The following EBF2 variants were observed in gnomAD, a reference collection of about 807,000 sequenced individuals.
The protein encoded by EBF2 is transcription factor COE2.
Under a neutral mutation model 72.8 loss-of-function variants are expected in EBF2, and 21 were observed. The observed-to-expected ratio is 0.29, with a 90% CI of 0.20 to 0.42. The LOEUF is 0.42. Ranked by LOEUF, EBF2 falls within the 10% of genes least tolerant of loss-of-function variation. The pLI is 1.00. For missense variants in EBF2, 637 were observed against 731.2 expected, an observed-to-expected ratio of 0.87 and a Z score of 1.49; for synonymous variants, 299 against 274.2, an observed-to-expected ratio of 1.09 and a Z score of -0.89.
Position 25,858,504 on chromosome 8 carries a change from C to G in EBF2, c.1343G>C (p.Gly448Ala), listed in dbSNP as rs1350398452. ...GATGCTGCTTGTGTTGCGGATGTAC[C>G]CTTGGCAACAAAGAAAAAGCCCAGG... ...ISESTQGNNQ[G>A]YIRNTSSISP... is the part of the protein sequence containing the mutation. Residue 448 changes from glycine to alanine, a missense_variant and splice_region_variant, in exon 14 of 16, where the codon GGG becomes GCG. Gly to Ala is a moderately conservative substitution (Grantham distance 60, BLOSUM62 0). This residue lies in a region of EBF2 where 259 missense variants were observed against 268.1 expected (regional missense o/e 0.97). Transcript: ENST00000520164. The G allele has an allele frequency of 6.2e-7, 1 of 1,612,668 alleles. No individual in the cohort carries two copies. Among genetic ancestry groups the G allele is most frequent in the Non-Finnish European group, 8.5e-7 (1 of 1,179,574 alleles).
intron 6 of EBF2, among the ~76,000 whole-genome samples, chr8:25,986,199 G>T (rs1028836194): frequency 6.6e-6 from 1 of 151,888 alleles, no homozygotes; most frequent in Non-Finnish European, 1.5e-5. Context: ...GTCTCTGACT[G>T]CTGGGTCCAC....
intron 10 of EBF2, among the ~76,000 whole-genome samples, chr8:25,871,923 T>C (rs1181205739): frequency 2.6e-5 from 4 of 151,718 alleles, no homozygotes; most frequent in Non-Finnish European, 4.4e-5. Flanking sequence ...TTAAAGTAAA[T>C]AGTATTTAAC....
At chr8:25,864,264 T>C (rs908139399) in intron 10 of EBF2, among the ~76,000 whole-genome samples, 1 of 149,816 alleles carries the variant, frequency 6.7e-6, no homozygotes, top group African/African-American at 2.4e-5. Context: ...TTAACTTACA[T>C]TTTTTTACTC....
At chr8:25,848,791 C>T (rs1801897106) in intron 15 of EBF2, among the ~76,000 whole-genome samples, 1 of 152,188 alleles carries the variant, frequency 6.6e-6, no homozygotes, top group African/African-American at 2.4e-5. Context: ...GCCTGCACCC[C>T]TCCTTGGTCT....
At chr8:25,863,958 T>C (rs941186797) in intron 10 of EBF2, among the ~76,000 whole-genome samples, 15 of 152,206 alleles carry the variant, frequency 9.9e-5, no homozygotes, top group African/African-American at 3.6e-4. Flanking sequence ...TTAACTATTC[T>C]TTTATAACAT....
chr8:26,037,157 G>GA (rs1320886501), intron 5 of EBF2, among the ~76,000 whole-genome samples: 1 of 152,052 alleles, frequency 6.6e-6, no homozygotes, highest in Non-Finnish European at 1.5e-5. Context: ...GAAGGAGAGA[G>GA]AAAAAATAAA....
At chr8:26,036,605 G>A (rs1331819981) in intron 5 of EBF2, among the ~76,000 whole-genome samples, 1 of 151,726 alleles carries the variant, frequency 6.6e-6, no homozygotes, top group South Asian at 2.1e-4. Context: ...TGTTTTTAAC[G>A]GCATTCAGTC....
intron 6 of EBF2, chr8:26,032,730 TG>T: frequency 5.1e-6 from 1 of 196,276 alleles, no homozygotes; most frequent in Non-Finnish European, 1.0e-5. Flanking sequence ...AATAATAAAG[TG>T]GGTGCCACTT....
chr8:25,876,147 C>T (rs866744610), intron 10 of EBF2, among the ~76,000 whole-genome samples: 9 of 152,078 alleles, frequency 5.9e-5, no homozygotes, highest in South Asian at 4.2e-4. Context: ...TTATGCTCAG[C>T]GAACTAACAT....
intron 7 of EBF2, 96 bp downstream of exon 7, chr8:25,908,378 A>G: frequency 1.1e-6 from 1 of 905,594 alleles, no homozygotes; most frequent in Non-Finnish European, 1.7e-6. Context: ...GTAGCAGTGA[A>G]TAGTAATTTT....
intron 7 of EBF2, among the ~76,000 whole-genome samples, chr8:25,899,085 T>C (rs1473830496): frequency 1.3e-5 from 2 of 152,120 alleles, no homozygotes; most frequent in African/African-American, 4.8e-5. Context: ...AAGATTTCTG[T>C]CATCCTGATT....
chr8:25,938,375 GAA>G (rs555008923), intron 6 of EBF2, among the ~76,000 whole-genome samples: 3 of 130,480 alleles, frequency 2.3e-5, no homozygotes, highest in African/African-American at 5.6e-5. Context: ...CTCTTACTTT[GAA>G]AAAAAAAAAG....
chr8:25,847,445 C>T (rs1801862757), intron 15 of EBF2, among the ~76,000 whole-genome samples: 1 of 152,186 alleles, frequency 6.6e-6, no homozygotes, highest in Non-Finnish European at 1.5e-5. Context: ...GGGAACTTCA[C>T]AATGTTGGAC....
intron 6 of EBF2, among the ~76,000 whole-genome samples, chr8:25,921,564 G>T (rs528022718): frequency 2.4e-4 from 36 of 152,258 alleles, no homozygotes; most frequent in African/African-American, 7.0e-4. Flanking sequence ...TGAGCCTAAA[G>T]CCTCTATTAA....
At chr8:25,844,674 G>T (rs1227730496) in intron 15 of EBF2, 34 bp from the exon 16 acceptor site, 5 of 1,613,584 alleles carry the variant, frequency 3.1e-6, no homozygotes, top group Admixed American at 1.7e-5. Flanking sequence ...AATGAGACTT[G>T]GGGACTTTTT....
At chr8:26,036,377 T>A (rs1205244259) in intron 5 of EBF2, among the ~76,000 whole-genome samples, 1 of 152,200 alleles carries the variant, frequency 6.6e-6, no homozygotes, top group Non-Finnish European at 1.5e-5. Flanking sequence ...CATATTTAAA[T>A]ATCATCTCTA....
chr8:26,004,673 CAAAAAAAAAAA>C (rs56848916), intron 6 of EBF2, among the ~76,000 whole-genome samples: 5 of 45,458 alleles, frequency 1.1e-4, no homozygotes, highest in African/African-American at 2.0e-4. Flanking sequence ...AGACTGTCTC[CAAAAAAAAAAA>C]AAAAAAAAAA....
chr8:25,999,605 T>C (rs1804688891), intron 6 of EBF2, among the ~76,000 whole-genome samples: 1 of 152,070 alleles, frequency 6.6e-6, no homozygotes, highest in South Asian at 2.1e-4. Flanking sequence ...TTCTGCTTTC[T>C]TTCATGTTTT....
chr8:25,879,054 A>G lies in EBF2; in HGVS notation c.1009+7701T>C, dbSNP rs6998275. Among the ~76,000 whole-genome samples the G allele has an allele frequency of 7.2e-3, 1,104 of 152,304 alleles. 15 individuals are homozygous for G. The highest frequency in any genetic ancestry group is 0.025 in the African/African-American group (1,023 of 41,550). ...GATACAAGTAAGCAACATGAAAAAA[A>G]TTTAAATAACAACAACACTGAGAAA... On this transcript the variant is annotated intron_variant, in intron 10 of 15. Transcript: ENST00000520164.
Sources: gnomAD v4.1 joint callset for allele counts (sites outside exome capture counted in the v4.1 genomes callset) on GRCh38, gnomAD v4.1.1 for gene constraint, gnomAD v4.1.1 regional missense constraint, MANE v1.5 for transcripts, NCBI Gene and HGNC (gene_info 2026-07-23, HGNC 2026-07-21) for gene names.